Variants in ANKRD11 observed in about 807,000 individuals in gnomAD.
ANKRD11 encodes the protein ankyrin repeat domain-containing protein 11.
A neutral mutation model predicts 195.7 loss-of-function variants in ANKRD11; 17 were observed. The observed-to-expected ratio is 0.09, with a 90% CI of 0.06 to 0.13. The LOEUF (loss-of-function observed/expected upper bound fraction) is 0.13. Among genes scored for constraint, ANKRD11 ranks in the 10% least tolerant of loss-of-function variants. The pLI, the probability that ANKRD11 is intolerant of heterozygous loss-of-function variation, is 1.00. For missense variants in ANKRD11, 3,735 were observed against 3,566.1 expected, an observed-to-expected ratio of 1.05 and a Z score of -1.21; for synonymous variants, 1,953 against 1,528.1, an observed-to-expected ratio of 1.28 and a Z score of -6.49.
At chr16:89,322,539 G>A (rs2037392449) in intron 2 of ANKRD11, among the ~76,000 whole-genome samples, 4 of 152,226 alleles carry the variant, frequency 2.6e-5, no homozygotes, top group Admixed American at 2.6e-4. Flanking sequence ...CAGCAGCAGG[G>A]TGGAAAAGGG....
At chr16:89,465,427 G>T (rs2056847824) in intron 1 of ANKRD11, among the ~76,000 whole-genome samples, 1 of 152,138 alleles carries the variant, frequency 6.6e-6, no homozygotes, top group Non-Finnish European at 1.5e-5. Flanking sequence ...TTACAGCAGA[G>T]GCCACGACAG....
At chr16:89,477,194 C>CTTTTT (rs398030125) in intron 1 of ANKRD11, among the ~76,000 whole-genome samples, 1 of 142,356 alleles carries the variant, frequency 7.0e-6, no homozygotes, top group Non-Finnish European at 1.5e-5. Context: ...GTCATTTCCC[C>CTTTTT]TTTTTTTTTT....
At chr16:89,481,886 A>T (rs972206029) in intron 1 of ANKRD11, among the ~76,000 whole-genome samples, 5 of 151,798 alleles carry the variant, frequency 3.3e-5, no homozygotes, top group African/African-American at 1.2e-4. Flanking sequence ...CATTCTACTG[A>T]TTCTTTTTTT....
intron 1 of ANKRD11, among the ~76,000 whole-genome samples, chr16:89,435,488 G>A (rs541761388): frequency 3.9e-5 from 6 of 152,130 alleles, no homozygotes; most frequent in Admixed American, 6.5e-5. Context: ...CCCTCAGCGC[G>A]AAGGTCTGCA....
intron 2 of ANKRD11, among the ~76,000 whole-genome samples, chr16:89,382,079 C>T (rs935128571): frequency 3.3e-5 from 5 of 152,208 alleles, no homozygotes; most frequent in Non-Finnish European, 7.3e-5. Context: ...GAATGGGGCC[C>T]AGGCAGGCGC....
chr16:89,376,457 A>T lies in ANKRD11; in HGVS notation c.-60+41827T>A, dbSNP rs569880401. Among the ~76,000 whole-genome samples the T allele has an allele frequency of 3.4e-4, 52 of 152,254 alleles. 1 individual carries two copies. The highest frequency in any genetic ancestry group is 1.2e-3 in the African/African-American group (50 of 41,530). Reference sequence around the variant, plus strand: ...ACAGGGTTTTGTTTTTGTTTTTTTGAGTCAGACTCTTGTTCCGTCACCCAG... The same window carrying T: ...ACAGGGTTTTGTTTTTGTTTTTTTGTGTCAGACTCTTGTTCCGTCACCCAG... On this transcript the variant is annotated intron_variant, in intron 2 of 12. Transcript: ENST00000301030.
intron 2 of ANKRD11, among the ~76,000 whole-genome samples, chr16:89,357,113 G>T (rs1359877604): frequency 6.6e-6 from 1 of 152,220 alleles, no homozygotes. Context: ...TCTGTAGGAG[G>T]GACAGTGTAA....
At chr16:89,390,204 C>T (rs1419580557) in intron 2 of ANKRD11, among the ~76,000 whole-genome samples, 3 of 105,170 alleles carry the variant, frequency 2.9e-5, no homozygotes, top group African/African-American at 1.2e-4. Flanking sequence ...ATCACTGGGG[C>T]GAACACCGAG....
intron 1 of ANKRD11, among the ~76,000 whole-genome samples, chr16:89,479,307 G>C (rs1221925158): frequency 6.6e-6 from 1 of 151,930 alleles, no homozygotes; most frequent in Non-Finnish European, 1.5e-5. Context: ...AGGAAAGTTT[G>C]CCTCCTAGAT....
chr16:89,464,917 G>C (rs1476177203), intron 1 of ANKRD11, among the ~76,000 whole-genome samples: 3 of 152,204 alleles, frequency 2.0e-5, no homozygotes, highest in African/African-American at 7.2e-5. Flanking sequence ...TGATTACTAT[G>C]ATGGGGAAAC....
At chr16:89,286,831 G>C (rs1218734563) in intron 7 of ANKRD11, 1 of 1,287,314 alleles carries the variant, frequency 7.8e-7, no homozygotes, top group Non-Finnish European at 1.0e-6. Flanking sequence ...GCCCAGAACA[G>C]CAATGCACTG....
chr16:89,358,622 T>C (rs2039593684), intron 2 of ANKRD11, among the ~76,000 whole-genome samples: 1 of 152,160 alleles, frequency 6.6e-6, no homozygotes, highest in East Asian at 1.9e-4. Flanking sequence ...AATTAATAAA[T>C]AAACAGAATG....
chr16:89,295,911 G>A (rs1335256030), intron 4 of ANKRD11, among the ~76,000 whole-genome samples: 1 of 118,098 alleles, frequency 8.5e-6, no homozygotes, highest in Non-Finnish European at 1.7e-5. Context: ...GGGGTGCTCT[G>A]TGCAGGTGGG....
At chr16:89,390,213 A>T (rs2041123451) in intron 2 of ANKRD11, among the ~76,000 whole-genome samples, 1 of 114,040 alleles carries the variant, frequency 8.8e-6, no homozygotes, top group Admixed American at 8.7e-5. Flanking sequence ...GCGAACACCG[A>T]GTGTGGCGGG....
intron 2 of ANKRD11, among the ~76,000 whole-genome samples, chr16:89,364,088 A>G (rs1021371224): frequency 1.3e-5 from 2 of 151,976 alleles, no homozygotes; most frequent in African/African-American, 4.8e-5. Flanking sequence ...ACACACACTC[A>G]ATGGAAGGCA....
chr16:89,322,929 C>T (rs1229013011), intron 2 of ANKRD11, among the ~76,000 whole-genome samples: 3 of 152,218 alleles, frequency 2.0e-5, no homozygotes, highest in Non-Finnish European at 2.9e-5. Context: ...CTGTAGCCTC[C>T]GCCTCCTGGG....
rs191457575 is a variant in ANKRD11, at chr16:89,286,483, G to A, written c.745-297C>T. The A allele has an allele frequency of 9.9e-4, 523 of 528,120 alleles. 3 individuals are homozygous for A. Among genetic ancestry groups the A allele is most frequent in the African/African-American group, 9.4e-3 (485 of 51,394 alleles). The allele number at this position is 528,120 out of a possible 1,614,324, so 32.7% of individuals were successfully genotyped here. A position where few individuals can be genotyped will look rare whatever the true frequency, so the allele number is the denominator to read the frequency against. On this transcript the variant is annotated intron_variant, in intron 7 of 12. Coordinates refer to ENST00000301030, the MANE Select transcript of ANKRD11 (RefSeq NM_013275.6). ...TTGGATTTTTTTCCACCATTTCTCCGTTGCCGCAAGTAGACGACTTCCCAG... is the reference window on the plus strand; with the variant it reads ...TTGGATTTTTTTCCACCATTTCTCCATTGCCGCAAGTAGACGACTTCCCAG...
chr16:89,312,597 C>T (rs944537061), intron 3 of ANKRD11, among the ~76,000 whole-genome samples: 2 of 152,012 alleles, frequency 1.3e-5, no homozygotes, highest in Admixed American at 1.3e-4. Context: ...CCTTTTCTGC[C>T]TTAGTGAAAA....
At chr16:89,354,758 T>C (rs2039392563) in intron 2 of ANKRD11, among the ~76,000 whole-genome samples, 1 of 152,120 alleles carries the variant, frequency 6.6e-6, no homozygotes, top group Admixed American at 6.6e-5. Flanking sequence ...GGCGAGCACC[T>C]GTAATCCCAG....
Sources: gnomAD v4.1 joint callset for allele counts (sites outside exome capture counted in the v4.1 genomes callset) on GRCh38, gnomAD v4.1.1 for gene constraint, MANE v1.5 for transcripts, NCBI Gene and HGNC (gene_info 2026-07-23, HGNC 2026-07-21) for gene names.